Variants in STK39 observed in about 807,000 individuals in gnomAD.
STK39 encodes the protein STE20/SPS1-related proline-alanine-rich protein kinase.
STK39 carries 20 observed loss-of-function variants against 77.8 expected under a neutral mutation model. That is an observed-to-expected ratio of 0.26 (90% CI 0.18 to 0.37). The LOEUF is 0.37. STK39 is among the 10% of genes least tolerant of loss of function. The pLI, the probability that STK39 is intolerant of heterozygous loss-of-function variation, is 1.00. For synonymous variants in STK39, 246 were observed against 234.1 expected, an observed-to-expected ratio of 1.05 and a Z score of -0.47; for missense variants, 479 against 656.5, an observed-to-expected ratio of 0.73 and a Z score of 2.95.
At chr2:167,990,492 A>G (rs1440895428) in intron 16 of STK39, among the ~76,000 whole-genome samples, 2 of 152,226 alleles carry the variant, frequency 1.3e-5, no homozygotes, top group Non-Finnish European at 2.9e-5. Flanking sequence ...AATAAAAATG[A>G]TGAATTAATT....
intron 16 of STK39, among the ~76,000 whole-genome samples, chr2:168,009,640 G>T (rs1684219651): frequency 6.6e-6 from 1 of 152,102 alleles, no homozygotes; most frequent in Admixed American, 6.6e-5. Flanking sequence ...TTGATGTGAT[G>T]ATCAAATGAA....
At chr2:168,062,646 A>G (rs998344751) in intron 14 of STK39, among the ~76,000 whole-genome samples, 3 of 152,214 alleles carry the variant, frequency 2.0e-5, no homozygotes, top group Non-Finnish European at 4.4e-5. Flanking sequence ...TTTTGTAGCT[A>G]CAACTCTGAA....
chr2:168,091,171 C>G (rs1686513534), intron 10 of STK39, among the ~76,000 whole-genome samples: 1 of 151,858 alleles, frequency 6.6e-6, no homozygotes, highest in Non-Finnish European at 1.5e-5. Flanking sequence ...CACACACACA[C>G]ACACACACAC....
intron 10 of STK39, among the ~76,000 whole-genome samples, chr2:168,082,001 T>C (rs1166913116): frequency 1.3e-5 from 2 of 152,190 alleles, no homozygotes; most frequent in Non-Finnish European, 2.9e-5. Flanking sequence ...CTCGGGTATG[T>C]CTTTATCAGC....
At chr2:168,011,006 T>C (rs1354635542) in intron 16 of STK39, among the ~76,000 whole-genome samples, 1 of 152,122 alleles carries the variant, frequency 6.6e-6, no homozygotes, top group East Asian at 1.9e-4. Context: ...TTAAAACATA[T>C]CATTTAAGGG....
chr2:168,208,898 CCA>C (rs1320326232), intron 1 of STK39, among the ~76,000 whole-genome samples: 1 of 152,190 alleles, frequency 6.6e-6, no homozygotes, highest in Non-Finnish European at 1.5e-5. Flanking sequence ...AAGATATCTC[CCA>C]CAGTCACAGG....
At chr2:167,966,041 C>T (rs1325148261) in intron 16 of STK39, among the ~76,000 whole-genome samples, 1 of 152,036 alleles carries the variant, frequency 6.6e-6, no homozygotes, top group African/African-American at 2.4e-5. Flanking sequence ...CATTTGTTGC[C>T]CTTTTAATAC....
intron 10 of STK39, among the ~76,000 whole-genome samples, chr2:168,122,943 T>A (rs1687446865): frequency 6.6e-6 from 1 of 152,198 alleles, no homozygotes; most frequent in South Asian, 2.1e-4. Context: ...TATTAAGAAG[T>A]GATACTTGTG....
chr2:168,209,570 C>T (rs1689831407), intron 1 of STK39, among the ~76,000 whole-genome samples: 1 of 152,086 alleles, frequency 6.6e-6, no homozygotes, highest in African/African-American at 2.4e-5. Flanking sequence ...CAGCTACTTA[C>T]TCGGTTGGCT....
intron 10 of STK39, among the ~76,000 whole-genome samples, chr2:168,112,357 T>G (rs1687140913): frequency 6.6e-6 from 1 of 152,020 alleles, no homozygotes; most frequent in South Asian, 2.1e-4. Flanking sequence ...TCTCCACGGG[T>G]CAGCGGAGGG....
At chr2:168,144,640 C>T (rs1204724858) in intron 5 of STK39, among the ~76,000 whole-genome samples, 2 of 124,710 alleles carry the variant, frequency 1.6e-5, no homozygotes, top group Non-Finnish European at 3.2e-5. Flanking sequence ...TTATAAGACT[C>T]ATTTTTTTTT....
rs1057172883 is a variant in STK39, at chr2:167,975,916, C to T, written c.1499-11190G>A. ...GCCCCATCGCCTCAAGGCAGGACAACGCTAAGGGTCATCTCAGCTTCATTC... is the reference window on the plus strand; with the variant it reads ...GCCCCATCGCCTCAAGGCAGGACAATGCTAAGGGTCATCTCAGCTTCATTC... On this transcript the variant is annotated intron_variant, in intron 16 of 17. Coordinates refer to ENST00000355999, the MANE Select transcript of STK39 (RefSeq NM_013233.3). Among the ~76,000 whole-genome samples the T allele has an allele frequency of 3.9e-5, 6 of 152,188 alleles. No homozygotes were observed. In the South Asian group the frequency reaches 1.0e-3, roughly 26 times the overall value.
chr2:168,217,234 G>C lies in STK39; in HGVS notation c.208+29994C>G, dbSNP rs562583835. 3.3e-5 allele frequency among the ~76,000 whole-genome samples: 5 copies of C among 152,186 alleles called. No homozygotes were observed. In the South Asian group the frequency reaches 1.0e-3, roughly 32 times the overall value. On this transcript the variant is annotated intron_variant, in intron 1 of 17. Transcript: ENST00000355999. ...AGTCTGAATTCCTTAAGTCACACAG[G>C]GAACATGTTCCATTACAGATCCACC...
chr2:168,076,564 A>T (rs1559085397), intron 10 of STK39, among the ~76,000 whole-genome samples: 1 of 152,210 alleles, frequency 6.6e-6, no homozygotes. Flanking sequence ...GGGCCTTACC[A>T]TCTAGAACCT....
intron 16 of STK39, among the ~76,000 whole-genome samples, chr2:167,978,904 C>A (rs1385991528): frequency 6.6e-6 from 1 of 152,094 alleles, no homozygotes; most frequent in African/African-American, 2.4e-5. Context: ...TCTCACATAT[C>A]ATAATTATTT....
chr2:168,007,939 AGTG>A (rs535310237), intron 16 of STK39, among the ~76,000 whole-genome samples: 8 of 152,184 alleles, frequency 5.3e-5, no homozygotes, highest in African/African-American at 1.2e-4. Context: ...TGCACGATTC[AGTG>A]GTTTTTAGTA....
intron 14 of STK39, among the ~76,000 whole-genome samples, chr2:168,044,753 G>A (rs1685195267): frequency 6.6e-6 from 1 of 152,224 alleles, no homozygotes. Context: ...TTTGTCTGCA[G>A]TGGAAGGAGA....
At chr2:167,984,887 T>C (rs1191314969) in intron 16 of STK39, among the ~76,000 whole-genome samples, 1 of 152,202 alleles carries the variant, frequency 6.6e-6, no homozygotes, top group East Asian at 1.9e-4. Context: ...TGAAAAGCTT[T>C]ATGCACATAC....
At chr2:168,163,387 T>C (rs1193708432) in intron 4 of STK39, among the ~76,000 whole-genome samples, 1 of 152,242 alleles carries the variant, frequency 6.6e-6, no homozygotes. Flanking sequence ...CTGATCTTTT[T>C]AAATGAGTCC....
Sources: gnomAD v4.1 joint callset for allele counts (sites outside exome capture counted in the v4.1 genomes callset) on GRCh38, gnomAD v4.1.1 for gene constraint, MANE v1.5 for transcripts, NCBI Gene and HGNC (gene_info 2026-07-23, HGNC 2026-07-21) for gene names.